DRC11: variants seen among roughly 807,000 people sequenced by gnomAD.
DRC11 encodes dynein regulatory complex subunit 11.
At chr2:236,492,494 T>C in the DRC11 span, among the ~76,000 whole-genome samples, 1 of 152,198 alleles carries the variant, frequency 6.6e-6, no homozygotes, top group Non-Finnish European at 1.5e-5. Flanking sequence ...CAATACCCAA[T>C]GAGGGCTATT....
the DRC11 span, among the ~76,000 whole-genome samples, chr2:236,475,694 G>A: frequency 6.6e-6 from 1 of 152,018 alleles, no homozygotes; most frequent in Non-Finnish European, 1.5e-5. The surrounding 1 kb of genome is among the most constrained non-coding windows in gnomAD (Gnocchi z 4.8). Flanking sequence ...ATTCTTGCCG[G>A]AATCCATTAT....
At chr2:236,335,757 A>T in the DRC11 span, among the ~76,000 whole-genome samples, 23 of 152,286 alleles carry the variant, frequency 1.5e-4, no homozygotes, top group African/African-American at 5.1e-4. This position sits in a 1 kb window ranked among gnomAD's most constrained non-coding sequence, Gnocchi z 5.6. Flanking sequence ...GATACCATAC[A>T]AAAAAGGAAG....
the DRC11 span, among the ~76,000 whole-genome samples, chr2:236,320,894 C>T: frequency 5.3e-5 from 8 of 151,360 alleles, no homozygotes; most frequent in East Asian, 1.4e-3. Flanking sequence ...GCTGTGCTTC[C>T]TCTCCCCATC....
At chr2:236,468,167 G>A in the DRC11 span, among the ~76,000 whole-genome samples, 3 of 152,132 alleles carry the variant, frequency 2.0e-5, no homozygotes, top group Admixed American at 6.5e-5. Flanking sequence ...CACAATCTCA[G>A]CTGAACCTCT....
the DRC11 span, among the ~76,000 whole-genome samples, chr2:236,428,136 T>C: frequency 6.6e-6 from 1 of 152,180 alleles, no homozygotes; most frequent in Non-Finnish European, 1.5e-5. Flanking sequence ...TTGTTAAGGC[T>C]TGTTTTGTGG....
At chr2:236,444,231 C>T in the DRC11 span, among the ~76,000 whole-genome samples, 2 of 152,128 alleles carry the variant, frequency 1.3e-5, no homozygotes, top group Non-Finnish European at 2.9e-5. Flanking sequence ...TTGTTGCAAT[C>T]GCCTTTGGCG....
At chr2:236,308,577 G>C in the DRC11 span, among the ~76,000 whole-genome samples, 1 of 152,216 alleles carries the variant, frequency 6.6e-6, no homozygotes, top group African/African-American at 2.4e-5. This position sits in a 1 kb window ranked among gnomAD's most constrained non-coding sequence, Gnocchi z 6.0. Flanking sequence ...CCAGTGTGGG[G>C]GCTCTGCCTT....
the DRC11 span, among the ~76,000 whole-genome samples, chr2:236,356,914 ATATATATT>A: frequency 5.8e-4 from 80 of 138,792 alleles, 2 homozygotes; most frequent in South Asian, 0.016. Flanking sequence ...TTTATATATT[ATATATATT>A]CATATATATT....
At chr2:236,388,012 G>C in the DRC11 span, among the ~76,000 whole-genome samples, 1 of 152,068 alleles carries the variant, frequency 6.6e-6, no homozygotes, top group Non-Finnish European at 1.5e-5. Context: ...TCGCTTGTAG[G>C]GTTTCTGCCG....
chr2:236,507,460 G>A, the DRC11 span: 4 of 613,574 alleles, frequency 6.5e-6, no homozygotes, highest in African/African-American at 5.5e-5. Context: ...GGTTTGCTTC[G>A]CAGGCACGGA....
At chr2:236,466,820 A>G in the DRC11 span, among the ~76,000 whole-genome samples, 1 of 152,214 alleles carries the variant, frequency 6.6e-6, no homozygotes, top group Non-Finnish European at 1.5e-5. Context: ...GAGGGGACAA[A>G]CATCCAAACC....
At chr2:236,450,180 A>G in the DRC11 span, among the ~76,000 whole-genome samples, 1 of 152,024 alleles carries the variant, frequency 6.6e-6, no homozygotes. Context: ...GAGTTTGATT[A>G]TTGACTTTAT....
At chr2:236,454,712 A>C in the DRC11 span, 4 of 152,226 alleles carry the variant, frequency 2.6e-5, no homozygotes, top group African/African-American at 4.8e-5. The surrounding 1 kb of genome is among the most constrained non-coding windows in gnomAD (Gnocchi z 5.3). Flanking sequence ...ATCTATTGTG[A>C]ACCTTCAGGT....
the DRC11 span, among the ~76,000 whole-genome samples, chr2:236,499,649 C>T: frequency 2.0e-5 from 3 of 152,146 alleles, no homozygotes; most frequent in African/African-American, 4.8e-5. The surrounding 1 kb of genome is among the most constrained non-coding windows in gnomAD (Gnocchi z 4.7). Flanking sequence ...AGGCTGGTCT[C>T]GAACTCCTGA....
At chr2:236,404,437 G>C in the DRC11 span, among the ~76,000 whole-genome samples, 2 of 152,138 alleles carry the variant, frequency 1.3e-5, no homozygotes, top group Non-Finnish European at 2.9e-5. Context: ...GTCTGCTCCA[G>C]ATGAAGCCTT....
At chr2:236,427,789 T>C in the DRC11 span, among the ~76,000 whole-genome samples, 9 of 152,182 alleles carry the variant, frequency 5.9e-5, no homozygotes, top group African/African-American at 2.2e-4. The surrounding 1 kb of genome is among the most constrained non-coding windows in gnomAD (Gnocchi z 5.9). Flanking sequence ...TTAATAATAG[T>C]TTGTTTTTCT....
the DRC11 span, among the ~76,000 whole-genome samples, chr2:236,475,745 G>T: frequency 2.6e-5 from 4 of 152,098 alleles, no homozygotes; most frequent in African/African-American, 9.7e-5. The surrounding 1 kb of genome is among the most constrained non-coding windows in gnomAD (Gnocchi z 4.8). Flanking sequence ...ATTTGATTTT[G>T]TATATGGTGA....
At chr2:236,382,350 A>T in the DRC11 span, among the ~76,000 whole-genome samples, 11,430 of 152,260 alleles carry the variant, frequency 0.075, 717 homozygotes, top group African/African-American at 0.16. Flanking sequence ...TTACTGTAGC[A>T]ATATGATAAG....
chr2:236,311,542 TAGGATCC>T, the DRC11 span, among the ~76,000 whole-genome samples: 3 of 152,188 alleles, frequency 2.0e-5, no homozygotes, highest in East Asian at 5.8e-4. This position sits in a 1 kb window ranked among gnomAD's most constrained non-coding sequence, Gnocchi z 6.9. Context: ...CCTGTTTTCT[TAGGATCC>T]TGGAGGTCTG....
Sources: gnomAD v4.1 joint callset for allele counts (sites outside exome capture counted in the v4.1 genomes callset) on GRCh38, gnomAD v4.1.1 for gene constraint, Gnocchi (gnomAD v3.1) non-coding constraint, MANE v1.5 for transcripts, NCBI Gene and HGNC (gene_info 2026-07-23, HGNC 2026-07-21) for gene names.